The following NOMO2 variants were observed in gnomAD, a reference collection of about 807,000 sequenced individuals.
NOMO2 encodes NODAL modulator 2.
NOMO2 carries 14 observed loss-of-function variants against 67.1 expected under a neutral mutation model. The observed-to-expected ratio is 0.21, with a 90% CI of 0.14 to 0.33. The LOEUF is 0.33. Ranked by LOEUF, NOMO2 falls within the 10% of genes least tolerant of loss-of-function variation. The pLI, the probability that NOMO2 is intolerant of heterozygous loss-of-function variation, is 1.00. For synonymous variants in NOMO2, 80 were observed against 305.9 expected, an observed-to-expected ratio of 0.26 and a Z score of 7.71; for missense variants, 178 against 761.0, an observed-to-expected ratio of 0.23 and a Z score of 9.01.
chr16:18,531,843 C>G (rs1220979778), intron 12 of NOMO2, among the ~76,000 whole-genome samples: 6 of 152,064 alleles, frequency 3.9e-5, no homozygotes, highest in African/African-American at 1.4e-4. Flanking sequence ...GAACAAAAGT[C>G]TATCTGGCCT....
At chr16:18,529,050 A>C in intron 15 of NOMO2, among the ~76,000 whole-genome samples, 3 of 102,084 alleles carry the variant, frequency 2.9e-5, no homozygotes, top group Non-Finnish European at 4.1e-5. Flanking sequence ...TATCAGAGAA[A>C]CTCACTTGGC....
intron 9 of NOMO2, among the ~76,000 whole-genome samples, chr16:18,539,650 G>T (rs1318841356): frequency 2.6e-5 from 4 of 151,800 alleles, no homozygotes; most frequent in African/African-American, 9.7e-5. Flanking sequence ...CCAGCTACTC[G>T]GGAGGCTGAG....
At chr16:18,561,195 A>AAAAAAAAC (rs1902040015) in intron 1 of NOMO2, among the ~76,000 whole-genome samples, 3 of 100,376 alleles carry the variant, frequency 3.0e-5, no homozygotes, top group Admixed American at 1.3e-4. Flanking sequence ...AAAAAAAAAA[A>AAAAAAAAC]AAAAAAAAAA....
intron 16 of NOMO2, among the ~76,000 whole-genome samples, chr16:18,524,998 C>CTTTT (rs1427979389): frequency 4.8e-5 from 7 of 145,840 alleles, no homozygotes; most frequent in African/African-American, 1.5e-4. Flanking sequence ...AGGGAAGCCC[C>CTTTT]AGAAAAGTGT....
chr16:18,554,257 C>G (rs1901855156), intron 3 of NOMO2, among the ~76,000 whole-genome samples: 1 of 152,098 alleles, frequency 6.6e-6, no homozygotes, highest in South Asian at 2.1e-4. Context: ...TCCAAGTACC[C>G]AGTGGGGCAG....
intron 12 of NOMO2, 92 bp downstream of exon 12, chr16:18,532,913 T>C: frequency 6.9e-7 from 1 of 1,457,640 alleles, no homozygotes; most frequent in Middle Eastern, 2.6e-4. Flanking sequence ...GAAACTGGAA[T>C]GCTCCTTCTC....
intron 15 of NOMO2, chr16:18,528,090 CCAA>C (rs1448238783): frequency 1.3e-5 from 6 of 458,990 alleles, no homozygotes; most frequent in African/African-American, 1.2e-4. Context: ...GGAGGAAAAA[CCAA>C]CAACACGTGT....
At chr16:18,529,197 C>T (rs1389811238) in intron 15 of NOMO2, among the ~76,000 whole-genome samples, 1 of 149,880 alleles carries the variant, frequency 6.7e-6, no homozygotes, top group African/African-American at 2.4e-5. Flanking sequence ...AATGAATTTA[C>T]CCGAAGCTAT....
At chr16:18,526,883 T>C (rs1901158034) in intron 16 of NOMO2, among the ~76,000 whole-genome samples, 1 of 151,992 alleles carries the variant, frequency 6.6e-6, no homozygotes, top group South Asian at 2.1e-4. Flanking sequence ...TAGGTGAGTT[T>C]TACGATATGC....
intron 6 of NOMO2, among the ~76,000 whole-genome samples, chr16:18,544,799 C>A (rs1310605892): frequency 1.3e-5 from 2 of 151,472 alleles, no homozygotes; most frequent in African/African-American, 4.8e-5. Context: ...TGTTAAGGTA[C>A]AATAAACACA....
chr16:18,540,097 CTGAA>C (rs1901515523), intron 9 of NOMO2, among the ~76,000 whole-genome samples: 1 of 151,160 alleles, frequency 6.6e-6, no homozygotes, highest in Non-Finnish European at 1.5e-5. Context: ...TAACTGACTC[CTGAA>C]TGAATGAATG....
In NOMO2 at chr16:18,531,472, A is replaced by C; in HGVS notation, c.1531T>G (p.Cys511Gly). ...CTTTCCAGTGATATCTTACCCAAAC[A>C]AGAGACTTTCCCAGAAACTGATGCC... ...FLASVSGKVS[C>G]LDTCGDLLVT... is the part of the protein sequence containing the mutation. The change falls in exon 13 of 31, where the codon TGT becomes GGT. Residue 511 changes from cysteine to glycine, a missense_variant. Transcript: ENST00000622306. 1.2e-6 allele frequency: 2 copies of C among 1,612,742 alleles called. No homozygotes were observed. The highest frequency in any genetic ancestry group is 1.7e-6 in the Non-Finnish European group (2 of 1,179,608).
intron 2 of NOMO2, among the ~76,000 whole-genome samples, chr16:18,557,057 G>A (rs549265915): frequency 1.8e-4 from 28 of 152,060 alleles, no homozygotes; most frequent in Non-Finnish European, 3.7e-4. Context: ...AACCTGGGGG[G>A]TGGAGGTTGG....
intron 11 of NOMO2, among the ~76,000 whole-genome samples, chr16:18,534,836 C>G (rs1247957089): frequency 1.4e-4 from 1 of 7,382 alleles, no homozygotes. Flanking sequence ...GAAAAATAAA[C>G]CAAAAGGGTG....
chr16:18,528,461 T>C lies in NOMO2; in HGVS notation c.1807-837A>G, dbSNP rs572171796. On this transcript the variant is annotated intron_variant, in intron 15 of 30. Coordinates refer to ENST00000622306, the MANE Select transcript of NOMO2 (RefSeq NM_173614.4). Reference sequence around the variant, plus strand: ...GCACATGAAACACCAGTTCCAATTCTTCTAGTTTCTCTACAGAGAAACTAA... The same window carrying C: ...GCACATGAAACACCAGTTCCAATTCCTCTAGTTTCTCTACAGAGAAACTAA... Among the ~76,000 whole-genome samples, 6 of 152,052 alleles carry C rather than the reference T, an allele frequency of 3.9e-5. No homozygotes were observed. The South Asian group carries it at 1.3e-3, about 32-fold the overall frequency.
At chr16:18,540,246 C>T (rs1006911123) in intron 9 of NOMO2, among the ~76,000 whole-genome samples, 2 of 144,926 alleles carry the variant, frequency 1.4e-5, no homozygotes, top group African/African-American at 5.0e-5. Context: ...GATGGTCTCA[C>T]ATGACAGGTA....
intron 11 of NOMO2, chr16:18,533,846 G>A (rs1901361373): frequency 6.6e-6 from 1 of 151,854 alleles, no homozygotes. Context: ...GGTGTTGCAA[G>A]GCATCCCTCG....
chr16:18,541,785 T>C (rs1596853935), intron 9 of NOMO2, among the ~76,000 whole-genome samples: 1 of 132,618 alleles, frequency 7.5e-6, no homozygotes. Flanking sequence ...ATGGCTGCAG[T>C]GAGATGAGAT....
At chr16:18,530,527 CA>C (rs1901272389) in intron 14 of NOMO2, among the ~76,000 whole-genome samples, 1 of 124,126 alleles carries the variant, frequency 8.1e-6, no homozygotes, top group Non-Finnish European at 1.8e-5. Context: ...TTAAGAAGGG[CA>C]AGGAAAAGGG....
Sources: allele counts gnomAD v4.1 joint callset (sites outside exome capture counted in the v4.1 genomes callset), GRCh38; gene constraint gnomAD v4.1.1; transcripts MANE v1.5; gene names NCBI Gene and HGNC (gene_info 2026-07-23, HGNC 2026-07-21).